PRIM2: variants seen among roughly 807,000 people sequenced by gnomAD.
PRIM2 encodes DNA primase subunit 2.
PRIM2 carries 39 observed loss-of-function variants against 67.3 expected under a neutral mutation model. The ratio of observed to expected loss-of-function variants is 0.58; its 90% CI spans 0.45 to 0.76. The LOEUF is 0.76. Among genes scored for constraint, PRIM2 ranks in the 30% least tolerant of loss-of-function variants. The pLI is 0.00. For synonymous variants in PRIM2, 143 were observed against 198.7 expected, an observed-to-expected ratio of 0.72 and a Z score of 2.36; for missense variants, 398 against 598.7, an observed-to-expected ratio of 0.66 and a Z score of 3.50.
intron 10 of PRIM2, among the ~76,000 whole-genome samples, chr6:57,556,412 A>C (rs1775514534): frequency 6.6e-6 from 1 of 152,218 alleles, no homozygotes; most frequent in Non-Finnish European, 1.5e-5. Context: ...TACAGTAACC[A>C]AAACAACATG....
At chr6:57,435,630 A>G (rs918234378) in intron 7 of PRIM2, among the ~76,000 whole-genome samples, 4 of 152,264 alleles carry the variant, frequency 2.6e-5, no homozygotes, top group African/African-American at 9.6e-5. Flanking sequence ...TCTTTCTGCT[A>G]GTACCTGATG....
intron 7 of PRIM2, among the ~76,000 whole-genome samples, chr6:57,446,595 A>G (rs865917146): frequency 9.2e-5 from 14 of 151,580 alleles, no homozygotes; most frequent in South Asian, 2.1e-4. Context: ...TCCTAGATAC[A>G]CAGAAAACAA....
chr6:57,382,845 C>T lies in PRIM2; in HGVS notation c.693+677C>T, dbSNP rs1050193817. 2.0e-5 allele frequency: 3 copies of T among 152,140 alleles called. No individual in the cohort carries two copies. In the East Asian group the frequency reaches 5.8e-4, roughly 29 times the overall value. The allele number at this position is 152,140 out of a possible 1,614,324, so 9.4% of individuals were successfully genotyped here. On this transcript the variant is annotated intron_variant, in intron 7 of 13. Coordinates refer to ENST00000615550, the MANE Select transcript of PRIM2 (RefSeq NM_000947.5). Reference sequence around the variant, plus strand: ...AAGACTTCAAAGGTTTGTGACATGGCTGTTTTAAACTGTACTGATTATAGT... The same window carrying T: ...AAGACTTCAAAGGTTTGTGACATGGTTGTTTTAAACTGTACTGATTATAGT...
At chr6:57,529,030 G>A (rs1487922994) in intron 8 of PRIM2, among the ~76,000 whole-genome samples, 2 of 152,306 alleles carry the variant, frequency 1.3e-5, no homozygotes, top group South Asian at 4.1e-4. Context: ...ACAAAAACCA[G>A]CCGGGCGCAG....
intron 7 of PRIM2, among the ~76,000 whole-genome samples, chr6:57,406,722 A>G (rs1770903568): frequency 2.0e-5 from 3 of 152,114 alleles, no homozygotes; most frequent in South Asian, 2.1e-4. Flanking sequence ...GTAGAAGGAA[A>G]TGTTTTATGA....
At chr6:57,420,021 G>A (rs1291619802) in intron 7 of PRIM2, among the ~76,000 whole-genome samples, 1 of 152,176 alleles carries the variant, frequency 6.6e-6, no homozygotes, top group South Asian at 2.1e-4. Flanking sequence ...GTGGATGTGA[G>A]CAGAGACTTT....
chr6:57,343,013 T>C (rs1768542793), intron 5 of PRIM2, among the ~76,000 whole-genome samples: 3 of 152,240 alleles, frequency 2.0e-5, no homozygotes, highest in Non-Finnish European at 4.4e-5. Flanking sequence ...TCAAGTTTAA[T>C]TTGTCATTTG....
chr6:57,405,131 C>G (rs1448240001), intron 7 of PRIM2, among the ~76,000 whole-genome samples: 2 of 151,746 alleles, frequency 1.3e-5, no homozygotes, highest in Admixed American at 1.3e-4. Context: ...TGCTAGGAAA[C>G]AGCTGAATAC....
the PRIM2 span, among the ~76,000 whole-genome samples, chr6:57,225,225 T>A: frequency 2.0e-5 from 3 of 152,246 alleles, no homozygotes; most frequent in Admixed American, 1.3e-4. Context: ...GAAATAAACC[T>A]TTTCTCCTGT....
chr6:57,632,395 A>G (rs1446879478), intron 13 of PRIM2, among the ~76,000 whole-genome samples, 194 bp downstream of exon 13: 1 of 152,080 alleles, frequency 6.6e-6, no homozygotes, highest in Admixed American at 6.6e-5. Flanking sequence ...AACCAGGAAT[A>G]TTTTGTAATT....
At chr6:57,499,934 C>G (rs1176675701) in intron 7 of PRIM2, among the ~76,000 whole-genome samples, 1 of 152,186 alleles carries the variant, frequency 6.6e-6, no homozygotes, top group Admixed American at 6.6e-5. Flanking sequence ...ATGTAAATCT[C>G]TCCTGGTCTC....
At chr6:57,340,298 C>T (rs928962878) in intron 5 of PRIM2, among the ~76,000 whole-genome samples, 47 of 152,198 alleles carry the variant, frequency 3.1e-4, no homozygotes, top group South Asian at 4.2e-4. Flanking sequence ...GTCAGTGTGG[C>T]GATTCCTCAG....
chr6:57,296,494 A>G, the PRIM2 span, among the ~76,000 whole-genome samples: 1 of 152,170 alleles, frequency 6.6e-6, no homozygotes, highest in Non-Finnish European at 1.5e-5. Flanking sequence ...TGTGATATAT[A>G]AGCTATTAAT....
At chr6:57,424,293 A>T (rs1432984727) in intron 7 of PRIM2, among the ~76,000 whole-genome samples, 1 of 152,202 alleles carries the variant, frequency 6.6e-6, no homozygotes, top group Non-Finnish European at 1.5e-5. Context: ...CTTTATTAAC[A>T]AAAAGATAGT....
chr6:57,417,732 A>G (rs1771316032), intron 7 of PRIM2, among the ~76,000 whole-genome samples: 1 of 152,242 alleles, frequency 6.6e-6, no homozygotes, highest in Non-Finnish European at 1.5e-5. Flanking sequence ...AGTTTGAGTT[A>G]TTGCAAGAAT....
the PRIM2 span, among the ~76,000 whole-genome samples, chr6:57,288,003 G>A: frequency 1.8e-4 from 28 of 152,218 alleles, no homozygotes; most frequent in African/African-American, 5.3e-4. Flanking sequence ...AGAGGCCAGG[G>A]ATTTCCCGTT....
At chr6:57,363,188 C>G (rs1769250901) in intron 5 of PRIM2, among the ~76,000 whole-genome samples, 1 of 152,076 alleles carries the variant, frequency 6.6e-6, no homozygotes. Context: ...GTTAGTATTT[C>G]CCAAACTGGG....
rs1230588578 is a variant in PRIM2 at position 57,478,402 on chromosome 6, A to G, written c.694-28985A>G. On this transcript the variant is annotated intron_variant, in intron 7 of 13. Coordinates refer to ENST00000615550, the MANE Select transcript of PRIM2 (RefSeq NM_000947.5). ...GACTGGGGTGCTGGGGCATGGTGGC[A>G]TGATCATAGCTCACTGCAGCCTCGA... 4.7e-5 allele frequency among the ~76,000 whole-genome samples: 7 copies of G among 148,706 alleles called. No individual in the cohort carries two copies. In the Admixed American group the frequency reaches 4.8e-4, roughly 10 times the overall value.
intron 5 of PRIM2, among the ~76,000 whole-genome samples, chr6:57,360,251 A>G (rs1394157741): frequency 6.6e-6 from 1 of 152,240 alleles, no homozygotes; most frequent in Non-Finnish European, 1.5e-5. Context: ...AGAGGTATAA[A>G]TAAATGAATG....
Sources: gnomAD v4.1 joint callset for allele counts (sites outside exome capture counted in the v4.1 genomes callset) on GRCh38, gnomAD v4.1.1 for gene constraint, MANE v1.5 for transcripts, NCBI Gene and HGNC (gene_info 2026-07-23, HGNC 2026-07-21) for gene names.